The following TCF4 variants were observed in gnomAD, a reference collection of about 807,000 sequenced individuals.
The protein encoded by TCF4 is transcription factor 4, also known as SL3-3 enhancer factor 2.
In TCF4, 3 loss-of-function variants were observed where a neutral mutation model predicts 82.1. The observed-to-expected ratio is 0.04, with a 90% CI of 0.02 to 0.09. The LOEUF (loss-of-function observed/expected upper bound fraction) is 0.09. TCF4 is among the 10% of genes least tolerant of loss of function. The probability of loss-of-function intolerance (pLI) is 1.00; values close to 1 mark genes in which losing one functional copy is unlikely to be tolerated. For synonymous variants in TCF4, 276 were observed against 309.6 expected (o/e 0.89, Z 1.14); for missense variants, 518 against 852.7 (o/e 0.61, Z 4.89).
intron 5 of TCF4, among the ~76,000 whole-genome samples, chr18:55,458,705 G>A (rs575932640): frequency 6.6e-6 from 1 of 152,168 alleles, no homozygotes; most frequent in South Asian, 2.1e-4. Flanking sequence ...GAAGGCATCG[G>A]GTGTGTGAGA....
At chr18:55,401,258 A>AG in intron 6 of TCF4, 1 of 1,188,202 alleles carries the variant, frequency 8.4e-7, no homozygotes, top group Non-Finnish European at 1.1e-6. Context: ...CTGTCAGCAA[A>AG]TTTCCAAAAT....
chr18:55,620,284 T>A (rs985136044), intron 2 of TCF4, among the ~76,000 whole-genome samples: 2 of 152,160 alleles, frequency 1.3e-5, no homozygotes, highest in Non-Finnish European at 2.9e-5. Flanking sequence ...AGGACCTAAC[T>A]TTTAAAATTT....
intron 2 of TCF4, 54 bp downstream of exon 2, chr18:55,586,991 G>A (rs1195931886): frequency 6.6e-7 from 1 of 1,520,008 alleles, no homozygotes. Context: ...AAGTGTTTGG[G>A]TTTTTGTTTT....
intron 5 of TCF4, among the ~76,000 whole-genome samples, chr18:55,431,629 G>A (rs753374769): frequency 6.6e-6 from 1 of 152,102 alleles, no homozygotes; most frequent in African/African-American, 2.4e-5. Context: ...CCTGACCCAT[G>A]CAGGGCTTTG....
intron 14 of TCF4, among the ~76,000 whole-genome samples, chr18:55,255,006 A>T (rs1297064280): frequency 1.3e-5 from 2 of 152,200 alleles, no homozygotes; most frequent in Non-Finnish European, 2.9e-5. Context: ...TTTATTTTAG[A>T]AGAGAAAAAC....
At chr18:55,350,496 C>A in intron 7 of TCF4, 88 bp from the exon 8 acceptor site, 1 of 1,345,084 alleles carries the variant, frequency 7.4e-7, no homozygotes, top group East Asian at 2.4e-5. Flanking sequence ...TAGATGATAC[C>A]ACATTTCCTT....
At chr18:55,320,019 T>C (rs1350118866) in intron 8 of TCF4, among the ~76,000 whole-genome samples, 1 of 152,204 alleles carries the variant, frequency 6.6e-6, no homozygotes, top group East Asian at 1.9e-4. Context: ...CTGAATCTGC[T>C]TCAGAGACAC....
At chr18:55,418,003 ATGTG>A (rs201657057) in intron 5 of TCF4, among the ~76,000 whole-genome samples, 6,544 of 143,356 alleles carry the variant, frequency 0.046, 175 homozygotes, top group African/African-American at 0.068. Context: ...TCTTGAGCAA[ATGTG>A]TGTGTGTGTG....
chr18:55,307,558 T>G (rs2070782460), intron 8 of TCF4, among the ~76,000 whole-genome samples: 1 of 152,238 alleles, frequency 6.6e-6, no homozygotes, highest in South Asian at 2.1e-4. Context: ...ATAAATAACA[T>G]TTTTAAATCA....
chr18:55,402,026 G>A (rs1030652121), intron 6 of TCF4: 1 of 985,326 alleles, frequency 1.0e-6, no homozygotes, highest in East Asian at 1.1e-4. Context: ...TTGTCGCCCA[G>A]GCTATCTAGC....
intron 8 of TCF4, chr18:55,321,138 T>C (rs1320777792): frequency 6.4e-6 from 1 of 157,420 alleles, no homozygotes; most frequent in Non-Finnish European, 1.4e-5. Flanking sequence ...TCTCTCAGTT[T>C]TATGTGTTTG....
At chr18:55,382,002 A>G (rs2091991160) in intron 6 of TCF4, among the ~76,000 whole-genome samples, 1 of 152,164 alleles carries the variant, frequency 6.6e-6, no homozygotes, top group Non-Finnish European at 1.5e-5. Context: ...TGGCTTAGAA[A>G]ATGGCAAAGT....
chr18:55,409,520 T>TAAAA (rs772781306), intron 5 of TCF4, among the ~76,000 whole-genome samples: 94 of 152,258 alleles, frequency 6.2e-4, no homozygotes, highest in Non-Finnish European at 1.2e-3. Flanking sequence ...AATTTAGTTT[T>TAAAA]ATACAATGTT....
chr18:55,267,476 A>C (rs1214395246), intron 11 of TCF4: 1 of 152,140 alleles, frequency 6.6e-6, no homozygotes, highest in Non-Finnish European at 1.5e-5. Flanking sequence ...AAGAGAACTT[A>C]AGTGTGAAAA....
At chr18:55,359,455 G>A (rs1029193712) in intron 6 of TCF4, among the ~76,000 whole-genome samples, 7 of 152,182 alleles carry the variant, frequency 4.6e-5, no homozygotes, top group African/African-American at 1.7e-4. Context: ...CTCAAGCGCA[G>A]AAAGTGAACT....
intron 3 of TCF4, among the ~76,000 whole-genome samples, chr18:55,560,321 A>G (rs2097343999): frequency 6.6e-6 from 1 of 152,232 alleles, no homozygotes; most frequent in Non-Finnish European, 1.5e-5. Context: ...TACATGAATG[A>G]AATTACCGAC....
At chr18:55,588,324 G>C (rs2097672888), upstream of TCF4, 1 of 1,475,774 alleles carries the variant, frequency 6.8e-7, no homozygotes, top group Non-Finnish European at 8.9e-7. Context: ...GAAATGGGTG[G>C]GGGGGCTCCG....
intron 5 of TCF4, among the ~76,000 whole-genome samples, chr18:55,443,394 T>G (rs2095474508): frequency 1.3e-5 from 2 of 152,232 alleles, no homozygotes; most frequent in African/African-American, 4.8e-5. Flanking sequence ...AACAGTTACC[T>G]CTCAATCTAT....
At chr18:55,465,274 A>G (rs1487391306) in intron 3 of TCF4, among the ~76,000 whole-genome samples, 1 of 152,100 alleles carries the variant, frequency 6.6e-6, no homozygotes, top group Non-Finnish European at 1.5e-5. Flanking sequence ...TTTTATTATT[A>G]CTGCTATTTT....
Sources: allele counts gnomAD v4.1 joint callset (sites outside exome capture counted in the v4.1 genomes callset), GRCh38; gene constraint gnomAD v4.1.1; transcripts MANE v1.5; gene names NCBI Gene and HGNC (gene_info 2026-07-23, HGNC 2026-07-21).